The following ADAR variants were observed in gnomAD, a reference collection of about 807,000 sequenced individuals.
ADAR encodes double-stranded RNA-specific adenosine deaminase.
A neutral mutation model predicts 113.2 loss-of-function variants in ADAR; 41 were observed. That is an observed-to-expected ratio of 0.36 (90% CI 0.28 to 0.47). The LOEUF (loss-of-function observed/expected upper bound fraction) is 0.47, where lower values mean the gene tolerates loss of function less well. ADAR is among the 20% of genes least tolerant of loss of function. The pLI, the probability that ADAR is intolerant of heterozygous loss-of-function variation, is 1.00. For missense variants in ADAR, 1,242 were observed against 1,540.9 expected (o/e 0.81, Z 3.25); for synonymous variants, 605 against 572.6 (o/e 1.06, Z -0.81).
In ADAR at chr1:154,584,445, G is replaced by A. The variant is rs886045333; in HGVS notation, c.*361C>T. ...CTGAAACCTAATCAAGACCGCAAGA[G>A]GTCAGTGTAGCAAACACAAAGGGAA... On this transcript the variant is annotated 3_prime_UTR_variant, in exon 15 of 15. Coordinates refer to ENST00000368474, the MANE Select transcript of ADAR (RefSeq NM_001111.5). 4.0e-6 allele frequency: 1 copy of A among 247,050 alleles called. No individual in the cohort carries two copies. The highest frequency in any genetic ancestry group is 2.3e-5 in the African/African-American group (1 of 43,966). The allele number at this position is 247,050 out of a possible 1,614,324, so 15.3% of individuals were successfully genotyped here.
chr1:154,617,763 C>T (rs887443531), intron 1 of ADAR, among the ~76,000 whole-genome samples: 3 of 152,034 alleles, frequency 2.0e-5, no homozygotes, highest in African/African-American at 4.8e-5. Context: ...AGTCTTTATG[C>T]TCAGTGGTCT....
intron 1 of ADAR, among the ~76,000 whole-genome samples, chr1:154,604,992 C>T (rs2101654946): frequency 6.6e-6 from 1 of 152,284 alleles, no homozygotes; most frequent in South Asian, 2.1e-4. Flanking sequence ...AAACTCAGCT[C>T]CTTCTCCTGT....
chr1:154,615,329 A>T (rs1571143880), intron 1 of ADAR, among the ~76,000 whole-genome samples: 2 of 152,346 alleles, frequency 1.3e-5, no homozygotes, highest in Middle Eastern at 6.8e-3. Flanking sequence ...TAGGCGAGAT[A>T]GGAGTTTCTG....
At chr1:154,596,521 T>C (rs2101617840) in intron 6 of ADAR, among the ~76,000 whole-genome samples, 1 of 152,336 alleles carries the variant, frequency 6.6e-6, no homozygotes, top group South Asian at 2.1e-4. Context: ...ATTACAGGCG[T>C]GAGCCACCAT....
intron 1 of ADAR, among the ~76,000 whole-genome samples, chr1:154,606,932 G>A (rs1698221339): frequency 3.4e-5 from 1 of 29,544 alleles, no homozygotes; most frequent in African/African-American, 1.3e-4. Context: ...TCAAAGGAGT[G>A]CTTAAAAAAA....
At chr1:154,625,078 C>T (rs1416902245) in intron 1 of ADAR, among the ~76,000 whole-genome samples, 2 of 152,140 alleles carry the variant, frequency 1.3e-5, no homozygotes, top group Non-Finnish European at 2.9e-5. Flanking sequence ...GCCCGTCATC[C>T]CAGCACAGTG....
At chr1:154,591,902 AAAG>A (rs1445535026) in intron 6 of ADAR, among the ~76,000 whole-genome samples, 7 of 152,210 alleles carry the variant, frequency 4.6e-5, no homozygotes, top group Admixed American at 1.3e-4. Flanking sequence ...AGTGGCATGA[AAAG>A]AAGATGGTGA....
At chr1:154,589,330 ACAGCCGGG>A (rs1557869558) in intron 9 of ADAR, 31 bp downstream of exon 9, 2 of 1,558,244 alleles carry the variant, frequency 1.3e-6, no homozygotes, top group South Asian at 1.1e-5. Flanking sequence ...GGAGCTCTCC[ACAGCCGGG>A]CAGCCGGGCC....
chr1:154,602,747 T>C (rs915705413), intron 1 of ADAR, 121 bp from the exon 2 acceptor site: 4 of 1,274,480 alleles, frequency 3.1e-6, no homozygotes, highest in East Asian at 4.8e-5. Context: ...AATTGAGCCA[T>C]GGGCTTATGA....
rs1257478602 is a variant in ADAR, at chr1:154,590,329, G to A, written c.2351C>T (p.Ala784Val). Residue 784 changes from alanine (A) to valine (V), a missense_variant, in exon 7 of 15, where the codon GCA becomes GTA. By Grantham distance (64) the Ala-to-Val change is moderately conservative. Transcript: ENST00000368474. Reference sequence around the variant, plus strand: ...CAAGACACGGAGAGCCGCATCTGCTGCTTCCTGCTTGCCTTGCTTCTTGCT... The same window carrying A: ...CAAGACACGGAGAGCCGCATCTGCTACTTCCTGCTTGCCTTGCTTCTTGCT... ...AHSKKQGKQE[A>V]ADAALRVLIG... The A allele has an allele frequency of 6.2e-7, 1 of 1,614,022 alleles. No homozygotes were observed. The highest frequency in any genetic ancestry group is 1.3e-5 in the African/African-American group (1 of 74,892).
At chr1:154,600,541 T>G (rs551597913) in intron 2 of ADAR, 2 of 192,254 alleles carry the variant, frequency 1.0e-5, no homozygotes, top group African/African-American at 2.4e-5. Flanking sequence ...TGGCGCAATC[T>G]CAGTTCACTG....
chr1:154,626,709 T>A (rs1316946347), intron 1 of ADAR, among the ~76,000 whole-genome samples: 1 of 152,164 alleles, frequency 6.6e-6, no homozygotes, highest in Non-Finnish European at 1.5e-5. Context: ...TTATCTTCAT[T>A]TTGTAGATAA....
chr1:154,623,470 C>T (rs868266740), intron 1 of ADAR, among the ~76,000 whole-genome samples: 3 of 152,174 alleles, frequency 2.0e-5, no homozygotes, highest in South Asian at 4.1e-4. Flanking sequence ...CATACACACA[C>T]CCCTGCAGTA....
At chr1:154,614,527 C>T (rs901948390) in intron 1 of ADAR, among the ~76,000 whole-genome samples, 1 of 152,244 alleles carries the variant, frequency 6.6e-6, no homozygotes, top group Non-Finnish European at 1.5e-5. Context: ...CTGTCCTGGG[C>T]AGGCTCAAGG....
chr1:154,602,569 GCTGT>G lies in ADAR; in HGVS notation c.69_72del (p.Arg23SerfsTer21). The G allele has an allele frequency of 6.2e-7, 1 of 1,614,204 alleles. No individual in the cohort carries two copies. The highest frequency in any genetic ancestry group is 1.1e-5 in the South Asian group (1 of 91,084). On this transcript the variant is annotated frameshift_variant, in exon 2 of 15. Transcript: ENST00000368474. LOFTEE classifies it high-confidence loss of function. ...CCTGGCCCAGGCTGCTGGTACCTGA[GCTGT>G]CTGTGCTCATAGCCTTGAAATGGAT...
Position 154,601,906 on chromosome 1 carries a change from T to C in ADAR, c.736A>G (p.Ile246Val). ...SVSEDLLEPF[I>V]AVSAQAWNQH... ...TTCCAAGCCTGAGCTGAGACTGCAA[T>C]AAAAGGCTCAAGAAGATCTTCTGAG... The change falls in exon 2 of 15, where the codon ATT becomes GTT. Residue 246 changes from isoleucine (I) to valine (V), a missense_variant. Around this residue, in one of 2 missense-constraint regions of ADAR, gnomAD observed 462 missense variants for 483.1 expected, o/e 0.96. Transcript: ENST00000368474. This position sits in a 1 kb window ranked among gnomAD's most constrained non-coding sequence, Gnocchi z 4.7. 1 of 1,613,744 alleles carries C rather than the reference T, an allele frequency of 6.2e-7. No homozygotes were observed. The highest frequency in any genetic ancestry group is 8.5e-7 in the Non-Finnish European group (1 of 1,179,924).
chr1:154,602,130 T>G lies in ADAR; in HGVS notation c.512A>C (p.Glu171Ala), dbSNP rs1697922718. 6.2e-7 allele frequency: 1 copy of G among 1,614,260 alleles called. No homozygotes were observed. Among genetic ancestry groups the G allele is most frequent in the Non-Finnish European group, 8.5e-7 (1 of 1,180,048 alleles). Reference sequence around the variant, plus strand: ...CAGGGAGTATAAAACTCGATTGATTTCTTTCTTCGGAGTCCCAAGTTTCCC... The same window carrying G: ...CAGGGAGTATAAAACTCGATTGATTGCTTTCTTCGGAGTCCCAAGTTTCCC... ...LSGKLGTPKK[E>A]INRVLYSLAK... The change falls in exon 2 of 15, where the codon GAA becomes GCA. Residue 171 changes from glutamate to alanine, a missense_variant. Glu to Ala is a moderately radical substitution (Grantham distance 107). Around this residue, in one of 2 missense-constraint regions of ADAR, gnomAD observed 462 missense variants for 483.1 expected, o/e 0.96. Transcript: ENST00000368474.
rs1696634171 is a variant in ADAR, at chr1:154,584,772, T to C, written c.*34A>G. ...GACCTACCTCTCTCACACCCTAGTA[T>C]GACACACCCTAATCCATCTGTCACT... On this transcript the variant is annotated 3_prime_UTR_variant, in exon 15 of 15. Coordinates refer to ENST00000368474, the MANE Select transcript of ADAR (RefSeq NM_001111.5). 1.3e-6 allele frequency: 2 copies of C among 1,562,832 alleles called. No individual in the cohort carries two copies. The highest frequency in any genetic ancestry group is 2.2e-5 in the East Asian group (1 of 44,608).
Position 154,602,262 on chromosome 1 carries a change from G to C in ADAR, c.380C>G (p.Ser127Cys). ...SLPQRGVDCL[S>C]SHFQELSIYQ... ...GATACTCAGTTCCTGGAAATGTGAG[G>C]AAAGGCAATCAACACCTCTCTGTGG... The change falls in exon 2 of 15, where the codon TCC becomes TGC. Residue 127 changes from serine (S) to cysteine (C), a missense_variant. Transcript: ENST00000368474. The C allele has an allele frequency of 6.2e-7, 1 of 1,614,216 alleles. No individual in the cohort carries two copies. The highest frequency in any genetic ancestry group is 8.5e-7 in the Non-Finnish European group (1 of 1,180,032).
Sources: allele counts gnomAD v4.1 joint callset (sites outside exome capture counted in the v4.1 genomes callset), GRCh38; gene constraint gnomAD v4.1.1; regional missense constraint gnomAD v4.1.1; non-coding constraint Gnocchi (gnomAD v3.1); transcripts MANE v1.5; gene names NCBI Gene and HGNC (gene_info 2026-07-23, HGNC 2026-07-21).